Variants in UNC13C observed in about 807,000 individuals in gnomAD.
The protein encoded by UNC13C is protein unc-13 homolog C.
A neutral mutation model predicts 245.4 loss-of-function variants in UNC13C; 174 were observed. The ratio of observed to expected loss-of-function variants is 0.71; its 90% confidence interval spans 0.63 to 0.80. The LOEUF is 0.80. Among genes scored for constraint, UNC13C ranks in the 30% least tolerant of loss-of-function variants. The pLI is 0.00. For synonymous variants in UNC13C, 992 were observed against 895.1 expected (o/e 1.11, Z -1.93); for missense variants, 2,829 against 2,602.9 (o/e 1.09, Z -1.89).
intron 19 of UNC13C, among the ~76,000 whole-genome samples, chr15:54,441,747 A>G (rs1890538230): frequency 2.0e-5 from 3 of 151,844 alleles, no homozygotes. Flanking sequence ...GTATTTTAAT[A>G]GTGGGTACAC....
Position 54,058,333 on chromosome 15 carries a change from C to A in UNC13C, c.2983+42447C>A, listed in dbSNP as rs188755896. ...CTACCGTCAGAGAATACTGTAAATA[C>A]CTCTATGCAAATAAACTAGAAAAGC... On this transcript the variant is annotated intron_variant, in intron 2 of 32. Coordinates refer to ENST00000260323, the MANE Select transcript of UNC13C (RefSeq NM_001080534.3). Among the ~76,000 whole-genome samples the A allele has an allele frequency of 6.8e-4, 104 of 152,288 alleles. 4 individuals carry two copies. In the South Asian group the frequency reaches 0.011, roughly 16 times the overall value.
chr15:54,150,765 C>A (rs890421096), intron 4 of UNC13C, among the ~76,000 whole-genome samples: 1 of 151,996 alleles, frequency 6.6e-6, no homozygotes, highest in Non-Finnish European at 1.5e-5. Flanking sequence ...GACCTCACAA[C>A]CCCAGACCCA....
At chr15:54,237,126 A>G (rs2035722079) in intron 6 of UNC13C, among the ~76,000 whole-genome samples, 1 of 152,210 alleles carries the variant, frequency 6.6e-6, no homozygotes, top group Non-Finnish European at 1.5e-5. Flanking sequence ...TTAAATGAAC[A>G]CTTAGAAAAA....
chr15:53,935,684 T>G, the UNC13C span, among the ~76,000 whole-genome samples: 1 of 151,926 alleles, frequency 6.6e-6, no homozygotes, highest in Non-Finnish European at 1.5e-5. Context: ...AAAAGCAGGG[T>G]GGGGTGATGG....
chr15:54,118,679 T>C (rs1475471276), intron 2 of UNC13C, among the ~76,000 whole-genome samples: 3 of 152,142 alleles, frequency 2.0e-5, no homozygotes, highest in African/African-American at 7.2e-5. Flanking sequence ...CAGTATTATA[T>C]TGGATAAAAG....
At chr15:54,224,980 A>G (rs2035334109) in intron 4 of UNC13C, among the ~76,000 whole-genome samples, 1 of 146,394 alleles carries the variant, frequency 6.8e-6, no homozygotes, top group South Asian at 2.1e-4. Context: ...TATCTGTAGT[A>G]TTGTTTGCAA....
At chr15:54,255,920 T>A (rs1212222356) in intron 8 of UNC13C, among the ~76,000 whole-genome samples, 1 of 152,238 alleles carries the variant, frequency 6.6e-6, no homozygotes, top group African/African-American at 2.4e-5. Context: ...AATAGACTAA[T>A]AATGGAGCAT....
chr15:54,511,794 G>A lies in UNC13C; in HGVS notation c.5421G>A (p.Gln1807=). Residue 1807 remains glutamine, a synonymous_variant, in exon 24 of 33, where the codon CAG becomes CAA. Coordinates refer to ENST00000260323, the MANE Select transcript of UNC13C (RefSeq NM_001080534.3). The part of the protein sequence containing the change: ...LMNNIQQLRV[Q]LEKMFESMGG... ...ACAATATTCAACAATTGCGGGTCCA[G>A]CTGGAAAAAATGTTTGAATCCATGG... 6.2e-7 allele frequency: 1 copy of A among 1,609,960 alleles called. No individual in the cohort carries two copies. Among genetic ancestry groups the A allele is most frequent in the South Asian group, 1.1e-5 (1 of 90,112 alleles).
At chr15:54,057,284 A>G (rs889408980) in intron 2 of UNC13C, among the ~76,000 whole-genome samples, 33 of 151,468 alleles carry the variant, frequency 2.2e-4, no homozygotes, top group Admixed American at 8.6e-4. Context: ...AGCAAATGGA[A>G]AACAAAAAAA....
chr15:54,424,919 C>A (rs750076612), intron 19 of UNC13C, among the ~76,000 whole-genome samples: 21 of 151,758 alleles, frequency 1.4e-4, no homozygotes, highest in Non-Finnish European at 2.2e-4. Context: ...CCCCAAGAAA[C>A]TTCATTGCAC....
chr15:54,206,046 T>C (rs777989030), intron 4 of UNC13C, among the ~76,000 whole-genome samples: 1 of 152,092 alleles, frequency 6.6e-6, no homozygotes, highest in Non-Finnish European at 1.5e-5. Context: ...AAAAATAATA[T>C]AATGAAATCA....
intron 1 of UNC13C, among the ~76,000 whole-genome samples, chr15:53,998,101 C>T (rs1319226085): frequency 2.0e-5 from 3 of 152,150 alleles, no homozygotes; most frequent in African/African-American, 7.2e-5. Flanking sequence ...CCACTCCTGG[C>T]CCAATCTTGT....
intron 4 of UNC13C, among the ~76,000 whole-genome samples, chr15:54,173,439 T>C (rs1240177528): frequency 6.6e-6 from 1 of 152,108 alleles, no homozygotes; most frequent in Admixed American, 6.5e-5. Flanking sequence ...TTACTGCACG[T>C]TTATTAAATT....
intron 8 of UNC13C, among the ~76,000 whole-genome samples, chr15:54,253,425 T>TC (rs1245706503): frequency 6.6e-6 from 1 of 152,104 alleles, no homozygotes; most frequent in Non-Finnish European, 1.5e-5. Flanking sequence ...GGCCCAAAAC[T>TC]CATAGACACA....
the UNC13C span, among the ~76,000 whole-genome samples, chr15:53,939,036 T>TA: frequency 1.1e-4 from 17 of 152,018 alleles, no homozygotes; most frequent in South Asian, 2.1e-3. Flanking sequence ...GAAAAACTCT[T>TA]AAAAAAATCA....
At chr15:54,549,547 A>T in intron 27 of UNC13C, 88 bp from the exon 28 acceptor site, 1 of 1,030,430 alleles carries the variant, frequency 9.7e-7, no homozygotes, top group Non-Finnish European at 1.4e-6. Flanking sequence ...AAGGGAAATA[A>T]AGAAATTATC....
intron 2 of UNC13C, among the ~76,000 whole-genome samples, chr15:54,122,214 G>C (rs945669775): frequency 1.3e-5 from 2 of 151,272 alleles, no homozygotes; most frequent in South Asian, 2.1e-4. Flanking sequence ...TCTGATTTCT[G>C]ATCTTACACT....
intron 4 of UNC13C, among the ~76,000 whole-genome samples, chr15:54,147,881 G>T (rs2032348546): frequency 6.6e-6 from 1 of 151,888 alleles, no homozygotes; most frequent in Non-Finnish European, 1.5e-5. Context: ...TAAAGCAATG[G>T]TGGGATTAGG....
chr15:54,219,198 A>C (rs200898821), intron 4 of UNC13C, among the ~76,000 whole-genome samples: 7,632 of 151,726 alleles, frequency 0.05, 334 homozygotes, highest in East Asian at 0.26. Flanking sequence ...ACTTCAAACT[A>C]TACTACAAGG....
Sources: gnomAD v4.1 joint callset for allele counts (sites outside exome capture counted in the v4.1 genomes callset) on GRCh38, gnomAD v4.1.1 for gene constraint, MANE v1.5 for transcripts, NCBI Gene and HGNC (gene_info 2026-07-23, HGNC 2026-07-21) for gene names.